The following XPO7 variants were observed in gnomAD, a reference collection of about 807,000 sequenced individuals.
The protein encoded by XPO7 is exportin-7.
In XPO7, 21 loss-of-function variants were observed where a neutral mutation model predicts 144.3. The ratio of observed to expected loss-of-function variants is 0.15; its 90% CI spans 0.10 to 0.21. The LOEUF is 0.21. Among genes scored for constraint, XPO7 ranks in the 10% least tolerant of loss-of-function variants. XPO7 has a pLI of 1.00. For synonymous variants in XPO7, 580 were observed against 499.6 expected (o/e 1.16, Z -2.15); for missense variants, 808 against 1,325.8 (o/e 0.61, Z 6.06).
intron 13 of XPO7, among the ~76,000 whole-genome samples, 155 bp downstream of exon 13, chr8:21,985,846 C>T (rs1563333163): frequency 1.3e-5 from 2 of 152,130 alleles, no homozygotes; most frequent in Non-Finnish European, 2.9e-5. Context: ...ATAACTCTGC[C>T]TATGATCTTT....
intron 21 of XPO7, among the ~76,000 whole-genome samples, chr8:21,997,513 C>T (rs1004037100): frequency 2.7e-4 from 41 of 152,220 alleles, no homozygotes; most frequent in Non-Finnish European, 1.6e-4. Flanking sequence ...AACATCTGCA[C>T]GAGTCCTGAG....
rs558051556 is a variant in XPO7 at position 21,933,911 on chromosome 8, G to A, written c.18+14123G>A. Among the ~76,000 whole-genome samples, 8 of 152,228 alleles carry A rather than the reference G, an allele frequency of 5.3e-5. No homozygotes were observed. The South Asian group carries it at 1.5e-3, about 28-fold the overall frequency. On this transcript the variant is annotated intron_variant, in intron 1 of 27. Coordinates refer to ENST00000252512, the MANE Select transcript of XPO7 (RefSeq NM_015024.5). ...GAGGGTAGCTAACTGTATATTGTTTGTTAGAGATAATGTATGAATTTTAAC... is the reference window on the plus strand; with the variant it reads ...GAGGGTAGCTAACTGTATATTGTTTATTAGAGATAATGTATGAATTTTAAC...
intron 1 of XPO7, among the ~76,000 whole-genome samples, chr8:21,937,261 A>C (rs1810851665): frequency 6.6e-6 from 1 of 152,224 alleles, no homozygotes; most frequent in Non-Finnish European, 1.5e-5. Flanking sequence ...TGGATGTGTT[A>C]AATGTATTTC....
chr8:21,982,541 TAA>T, intron 10 of XPO7, 97 bp from the exon 11 acceptor site: 8 of 1,344,820 alleles, frequency 5.9e-6, no homozygotes, highest in Non-Finnish European at 7.9e-6. Context: ...CCTCTTTTTT[TAA>T]AAAAAAGAAA....
At chr8:21,963,985 T>A (rs1042390930) in intron 1 of XPO7, among the ~76,000 whole-genome samples, 1 of 152,208 alleles carries the variant, frequency 6.6e-6, no homozygotes, top group African/African-American at 2.4e-5. Flanking sequence ...GAAGATGCAT[T>A]CTTTTAATAC....
intron 1 of XPO7, among the ~76,000 whole-genome samples, chr8:21,963,139 A>G (rs551040729): frequency 1.3e-5 from 2 of 152,150 alleles, no homozygotes; most frequent in Non-Finnish European, 2.9e-5. Context: ...AATCTACTCT[A>G]AGTTTTCTAG....
chr8:21,969,069 A>C (rs1811971187), intron 2 of XPO7, among the ~76,000 whole-genome samples: 1 of 152,202 alleles, frequency 6.6e-6, no homozygotes, highest in Non-Finnish European at 1.5e-5. Flanking sequence ...TTTTTTCCCC[A>C]ATATCATGCC....
At chr8:21,932,245 A>C (rs1585417528) in intron 1 of XPO7, among the ~76,000 whole-genome samples, 1 of 152,240 alleles carries the variant, frequency 6.6e-6, no homozygotes, top group South Asian at 2.1e-4. Context: ...TTTTCTATAG[A>C]TCATACAGCA....
At chr8:21,960,295 G>A (rs76612304) in intron 1 of XPO7, among the ~76,000 whole-genome samples, 1,704 of 152,336 alleles carry the variant, frequency 0.011, 28 homozygotes, top group South Asian at 0.079. Context: ...GTTTCAGGGC[G>A]TCAGATTGAA....
At position 21,920,705 on chromosome 8, in the gene XPO7, C is replaced by T. The variant is rs557491721; in HGVS notation, c.18+917C>T. Among the ~76,000 whole-genome samples, 12 of 152,284 alleles carry T rather than the reference C, an allele frequency of 7.9e-5. No individual in the cohort carries two copies. In the East Asian group the frequency reaches 2.1e-3, roughly 27 times the overall value. On this transcript the variant is annotated intron_variant, in intron 1 of 27. Transcript: ENST00000252512. Reference sequence around the variant, plus strand: ...TTCTTGCAAACTAGATAAAGTTTTTCCTGTCTGTGCCAGAGATCTGATATT... The same window carrying T: ...TTCTTGCAAACTAGATAAAGTTTTTTCTGTCTGTGCCAGAGATCTGATATT...
intron 1 of XPO7, among the ~76,000 whole-genome samples, chr8:21,933,412 G>A (rs1208331546): frequency 6.6e-6 from 1 of 152,014 alleles, no homozygotes; most frequent in Non-Finnish European, 1.5e-5. Flanking sequence ...TCCTTTTGCT[G>A]GATTTTACAG....
At position 21,939,775 on chromosome 8, in the gene XPO7, C is replaced by T. The variant is rs1002130265; in HGVS notation, c.18+19987C>T. Among the ~76,000 whole-genome samples, 69 of 152,170 alleles carry T rather than the reference C, an allele frequency of 4.5e-4. 1 individual carries two copies. The highest frequency in any genetic ancestry group is 2.9e-4 in the Non-Finnish European group (20 of 68,022). ...AGAAATGAGACTGAAGAGACCAAAT[C>T]ATAACATGCTTTCTGAGCTAAGCTA... is the stretch of plus-strand genomic sequence containing the variant. On this transcript the variant is annotated intron_variant, in intron 1 of 27. Transcript: ENST00000252512.
intron 24 of XPO7, among the ~76,000 whole-genome samples, chr8:22,000,701 G>A (rs1407833470): frequency 1.3e-5 from 2 of 151,964 alleles, no homozygotes; most frequent in Non-Finnish European, 2.9e-5. Context: ...GATCCGCCTG[G>A]CTTGGCCTCC....
rs181976723 is a variant in XPO7 at position 21,954,206 on chromosome 8, T to G, written c.19-12651T>G. Among the ~76,000 whole-genome samples, 9 of 152,328 alleles carry G rather than the reference T, an allele frequency of 5.9e-5. No homozygotes were observed. The East Asian group carries it at 1.7e-3, about 29-fold the overall frequency. The stretch of plus-strand genomic sequence containing the variant: ...GCCTCAGAGAATTGGTGATTGTGTG[T>G]TTTTGATCGCTTCCTTTGCTCTACT... On this transcript the variant is annotated intron_variant, in intron 1 of 27. Transcript: ENST00000252512.
At position 21,919,805 on chromosome 8, in the gene XPO7, G is replaced by T. The variant is rs4357287; in HGVS notation, c.18+17G>T. 6.6e-5 allele frequency: 32 copies of T among 488,310 alleles called. No individual in the cohort carries two copies. The highest frequency in any genetic ancestry group is 5.1e-4 in the African/African-American group (25 of 48,732). 30.2% of individuals were successfully genotyped at this position (488,310 alleles called of 1,614,324 possible). A position where few individuals can be genotyped will look rare whatever the true frequency, so the allele number is the denominator to read the frequency against. On this transcript the variant is annotated intron_variant, in intron 1 of 27. Transcript: ENST00000252512. ...CATGTGCAGGTGAGAGGAGCCGCGG[G>T]GGGGAGGGGGCGACCACGAAGAGCG...
chr8:21,983,248 A>T (rs1242302578), intron 11 of XPO7, among the ~76,000 whole-genome samples: 1 of 152,220 alleles, frequency 6.6e-6, no homozygotes, highest in Non-Finnish European at 1.5e-5. Flanking sequence ...AACACATAAG[A>T]ATTCTAAGCC....
At chr8:21,998,723 T>G in intron 21 of XPO7, 32 bp from the exon 22 acceptor site, 2 of 1,603,986 alleles carry the variant, frequency 1.2e-6, no homozygotes, top group Non-Finnish European at 1.7e-6. Context: ...AAAACACCTC[T>G]GACTTTTTCT....
chr8:21,946,967 TAAA>T (rs1811214390), intron 1 of XPO7, among the ~76,000 whole-genome samples: 1 of 152,170 alleles, frequency 6.6e-6, no homozygotes, highest in Admixed American at 6.5e-5. Flanking sequence ...ATGAGGGCAC[TAAA>T]AGTCATTTTT....
chr8:21,968,059 T>C (rs1300492699), intron 2 of XPO7, among the ~76,000 whole-genome samples: 1 of 152,166 alleles, frequency 6.6e-6, no homozygotes, highest in African/African-American at 2.4e-5. Context: ...TGCTTACCTA[T>C]ATTACGCTCT....
Sources: allele counts gnomAD v4.1 joint callset (sites outside exome capture counted in the v4.1 genomes callset), GRCh38; gene constraint gnomAD v4.1.1; transcripts MANE v1.5; gene names NCBI Gene and HGNC (gene_info 2026-07-23, HGNC 2026-07-21).